Variants in GRIP1 observed in about 807,000 individuals in gnomAD.
GRIP1 encodes the protein glutamate receptor interacting protein 1.
A neutral mutation model predicts 129.9 loss-of-function variants in GRIP1; 45 were observed. The ratio of observed to expected loss-of-function variants is 0.35; its 90% CI spans 0.27 to 0.44. GRIP1 has a LOEUF of 0.44. GRIP1 is among the 20% of genes least tolerant of loss of function. The pLI, the probability that GRIP1 is intolerant of heterozygous loss-of-function variation, is 1.00. For synonymous variants in GRIP1, 530 were observed against 520.8 expected, an observed-to-expected ratio of 1.02 and a Z score of -0.24; for missense variants, 1,196 against 1,396.8, an observed-to-expected ratio of 0.86 and a Z score of 2.29.
chr12:66,939,666 T>A (rs2137441216), intron 1 of GRIP1, among the ~76,000 whole-genome samples: 1 of 152,290 alleles, frequency 6.6e-6, no homozygotes, highest in African/African-American at 2.4e-5. Context: ...CATGCCATCT[T>A]TTACTTAAAA....
intron 2 of GRIP1, among the ~76,000 whole-genome samples, chr12:66,561,024 T>A (rs1311142711): frequency 6.6e-6 from 1 of 152,146 alleles, no homozygotes; most frequent in African/African-American, 2.4e-5. Flanking sequence ...TGAGATCCTG[T>A]CATTTGCAAC....
chr12:66,559,066 G>A (rs930204424), intron 2 of GRIP1, among the ~76,000 whole-genome samples: 1 of 151,238 alleles, frequency 6.6e-6, no homozygotes, highest in Non-Finnish European at 1.5e-5. Context: ...ACAGAATGAA[G>A]GACAAAAACC....
At chr12:66,674,647 G>C (rs753487716) in intron 1 of GRIP1, among the ~76,000 whole-genome samples, 6 of 152,148 alleles carry the variant, frequency 3.9e-5, no homozygotes, top group Non-Finnish European at 7.3e-5. Flanking sequence ...TGAGATGGTT[G>C]AGTTTCAGTT....
At chr12:66,592,132 A>G (rs2063870884) in intron 2 of GRIP1, among the ~76,000 whole-genome samples, 1 of 152,178 alleles carries the variant, frequency 6.6e-6, no homozygotes, top group Admixed American at 6.5e-5. Context: ...AGAGGGCAGA[A>G]CCTTCAAATT....
In GRIP1 at chr12:66,755,734, T is replaced by C. The variant is rs764382336; in HGVS notation, c.-420+48319A>G. The stretch of plus-strand genomic sequence containing the variant: ...GGGAGCTGGCAGTCCACACTACAGC[T>C]GGAGAGGCCAATGCAACCTGGAAAT... On this transcript the variant is annotated intron_variant, in intron 1 of 4. Coordinates refer to the GRIP1 transcript ENST00000538373. Among the ~76,000 whole-genome samples the C allele has an allele frequency of 1.2e-4, 18 of 152,300 alleles. 1 individual carries two copies. The highest frequency in any genetic ancestry group is 4.1e-4 in the South Asian group (2 of 4,826).
At chr12:66,593,686 A>T (rs1364809619) in intron 2 of GRIP1, among the ~76,000 whole-genome samples, 1 of 152,188 alleles carries the variant, frequency 6.6e-6, no homozygotes, top group Admixed American at 6.5e-5. Context: ...AGAAAGTGCT[A>T]ATATGAACGG....
At chr12:66,503,012 T>C (rs950366772) in intron 7 of GRIP1, among the ~76,000 whole-genome samples, 4 of 152,128 alleles carry the variant, frequency 2.6e-5, no homozygotes, top group Admixed American at 6.6e-5. Flanking sequence ...CAGGTGATTA[T>C]CAGGTGATGG....
chr12:66,697,208 A>G (rs887863622), intron 1 of GRIP1, among the ~76,000 whole-genome samples: 1 of 152,124 alleles, frequency 6.6e-6, no homozygotes, highest in Non-Finnish European at 1.5e-5. Flanking sequence ...AAAAAGACCA[A>G]TTTTCCTTCT....
Position 66,375,715 on chromosome 12 carries a change from T to A in GRIP1, c.2778+1302A>T, listed in dbSNP as rs201709118. On this transcript the variant is annotated intron_variant, in intron 22 of 24. Transcript: ENST00000359742. Reference sequence around the variant, plus strand: ...TAGGCTGTGGCAACATAACATCTACTCTTACTGATGGATGTTGTTTTCATC... The same window carrying A: ...TAGGCTGTGGCAACATAACATCTACACTTACTGATGGATGTTGTTTTCATC... Among the ~76,000 whole-genome samples the A allele has an allele frequency of 7.9e-5, 12 of 152,360 alleles. No individual in the cohort carries two copies. The East Asian group carries it at 1.5e-3, about 20-fold the overall frequency.
intron 7 of GRIP1, among the ~76,000 whole-genome samples, chr12:66,466,848 T>C (rs1398817244): frequency 6.6e-6 from 1 of 152,188 alleles, no homozygotes; most frequent in African/African-American, 2.4e-5. Flanking sequence ...TTTGCCTTTC[T>C]GCAAGAACAT....
intron 2 of GRIP1, among the ~76,000 whole-genome samples, chr12:66,570,340 C>A (rs1053249658): frequency 1.3e-5 from 2 of 152,122 alleles, no homozygotes; most frequent in Non-Finnish European, 2.9e-5. Context: ...CAGTCTCAAA[C>A]TCCTGGCCTC....
chr12:66,894,855 C>A (rs1261730033), intron 1 of GRIP1, among the ~76,000 whole-genome samples: 1 of 152,114 alleles, frequency 6.6e-6, no homozygotes, highest in African/African-American at 2.4e-5. Flanking sequence ...ACATGCTGAC[C>A]AATAACTTTG....
chr12:66,524,156 C>A (rs12296875), intron 5 of GRIP1, among the ~76,000 whole-genome samples: 2,494 of 152,218 alleles, frequency 0.016, 64 homozygotes, highest in African/African-American at 0.056. Flanking sequence ...AGGAATTGAA[C>A]TCAGCTCTGC....
chr12:66,970,540 CTTTTT>C (rs3051201), intron 1 of GRIP1, among the ~76,000 whole-genome samples: 20 of 129,762 alleles, frequency 1.5e-4, no homozygotes, highest in East Asian at 4.5e-4. Context: ...CCTCTAGTGT[CTTTTT>C]TTTTTTTTTT....
chr12:66,868,056 C>T (rs892766668), intron 1 of GRIP1, among the ~76,000 whole-genome samples: 1 of 152,110 alleles, frequency 6.6e-6, no homozygotes, highest in Admixed American at 6.6e-5. Context: ...ACAGGTATCA[C>T]ATACTTAATC....
intron 1 of GRIP1, among the ~76,000 whole-genome samples, chr12:66,765,359 A>G (rs533787768): frequency 3.3e-5 from 5 of 152,236 alleles, no homozygotes; most frequent in Non-Finnish European, 7.3e-5. Context: ...TCTGGATGTC[A>G]AAGCTCTCAT....
chr12:66,856,887 G>A (rs2040014896), intron 1 of GRIP1, among the ~76,000 whole-genome samples: 1 of 152,210 alleles, frequency 6.6e-6, no homozygotes. Context: ...ATACCCAAAG[G>A]ATTATAAAAC....
chr12:66,781,924 A>C (rs1240664108), intron 1 of GRIP1, among the ~76,000 whole-genome samples: 1 of 152,192 alleles, frequency 6.6e-6, no homozygotes, highest in African/African-American at 2.4e-5. Context: ...TTCCACTCCA[A>C]AATATACCAA....
intron 1 of GRIP1, among the ~76,000 whole-genome samples, chr12:66,639,521 A>C (rs11176350): frequency 0.19 from 28,531 of 152,054 alleles, 2,870 homozygotes; most frequent in Non-Finnish European, 0.23. Context: ...ATTTAAGTGG[A>C]TTCATTAAGG....
Sources: allele counts gnomAD v4.1 joint callset (sites outside exome capture counted in the v4.1 genomes callset), GRCh38; gene constraint gnomAD v4.1.1; transcripts MANE v1.5; gene names NCBI Gene and HGNC (gene_info 2026-07-23, HGNC 2026-07-21).